The following ATRNL1 variants were observed in gnomAD, a reference collection of about 807,000 sequenced individuals.
ATRNL1 encodes the protein attractin like 1, also known as attractin-like protein 1.
ATRNL1 carries 95 observed loss-of-function variants against 182.7 expected under a neutral mutation model. The ratio of observed to expected loss-of-function variants is 0.52; its 90% CI spans 0.44 to 0.62. The LOEUF (loss-of-function observed/expected upper bound fraction) is 0.62, where lower values mean the gene tolerates loss of function less well. Among genes scored for constraint, ATRNL1 ranks in the 20% least tolerant of loss-of-function variants. The pLI is 0.00. For synonymous variants in ATRNL1, 576 were observed against 568.3 expected (o/e 1.01, Z -0.19); for missense variants, 1,471 against 1,679.5 (o/e 0.88, Z 2.17).
At chr10:115,799,349 T>A (rs1157435958) in intron 27 of ATRNL1, among the ~76,000 whole-genome samples, 1 of 152,216 alleles carries the variant, frequency 6.6e-6, no homozygotes, top group African/African-American at 2.4e-5. Context: ...AAGCAGCTTT[T>A]TCTCCTCTAC....
intron 25 of ATRNL1, among the ~76,000 whole-genome samples, chr10:115,528,272 G>A (rs1223041712): frequency 2.6e-5 from 4 of 151,652 alleles, no homozygotes; most frequent in African/African-American, 9.7e-5. Context: ...TCTTTGTTGT[G>A]GTATATTTGA....
intron 25 of ATRNL1, among the ~76,000 whole-genome samples, chr10:115,539,683 C>G (rs573392088): frequency 6.6e-6 from 1 of 152,164 alleles, no homozygotes; most frequent in Non-Finnish European, 1.5e-5. Flanking sequence ...TTCACTCACC[C>G]ATACCCCAGG....
At chr10:115,492,097 T>C (rs554636115) in intron 24 of ATRNL1, among the ~76,000 whole-genome samples, 13 of 152,252 alleles carry the variant, frequency 8.5e-5, no homozygotes, top group Middle Eastern at 6.8e-3. Flanking sequence ...CCCGGTGAGA[T>C]GAACGGTGTA....
At chr10:115,688,843 T>C in intron 26 of ATRNL1, among the ~76,000 whole-genome samples, 1 of 152,178 alleles carries the variant, frequency 6.6e-6, no homozygotes, top group African/African-American at 2.4e-5. Flanking sequence ...ATGATTGTGC[T>C]TTTGAGGGCT....
intron 9 of ATRNL1, among the ~76,000 whole-genome samples, chr10:115,230,915 G>GAGAGAGAGAA (rs1849915693): frequency 7.3e-6 from 1 of 137,542 alleles, no homozygotes; most frequent in Non-Finnish European, 1.6e-5. Context: ...GAGAGAGAGA[G>GAGAGAGAGAA]AGAGAGAAAG....
chr10:115,650,881 C>T (rs1469086409), intron 26 of ATRNL1, among the ~76,000 whole-genome samples: 1 of 152,070 alleles, frequency 6.6e-6, no homozygotes, highest in Non-Finnish European at 1.5e-5. Context: ...ATTATTCCCA[C>T]TTGAATAATC....
chr10:115,743,983 A>T (rs1948217677), intron 27 of ATRNL1, among the ~76,000 whole-genome samples: 1 of 103,454 alleles, frequency 9.7e-6, no homozygotes, highest in South Asian at 4.1e-4. Flanking sequence ...ATATAAATGA[A>T]TATGTATTCA....
chr10:115,906,825 T>A lies in ATRNL1; in HGVS notation c.4019-37833T>A, dbSNP rs575476103. Among the ~76,000 whole-genome samples, 271 of 151,634 alleles carry A rather than the reference T, an allele frequency of 1.8e-3. 2 individuals carry two copies. The highest frequency in any genetic ancestry group is 3.5e-3 in the East Asian group (18 of 5,152). On this transcript the variant is annotated intron_variant, in intron 28 of 28. Transcript: ENST00000355044. ...GTAAATTTTGAACAAATACTTTTTT[T>A]AAAAAAAAATCAGAAACCTATATAT...
At chr10:115,734,582 G>A (rs1486509988) in intron 27 of ATRNL1, among the ~76,000 whole-genome samples, 1 of 151,874 alleles carries the variant, frequency 6.6e-6, no homozygotes, top group Non-Finnish European at 1.5e-5. Flanking sequence ...TAGCTCATTC[G>A]ATATCTTTCT....
At chr10:115,351,292 A>G (rs1554941249) in intron 19 of ATRNL1, among the ~76,000 whole-genome samples, 2 of 152,138 alleles carry the variant, frequency 1.3e-5, no homozygotes, top group African/African-American at 4.8e-5. Flanking sequence ...GTCTAATAAA[A>G]GTGGTGAAAG....
intron 26 of ATRNL1, among the ~76,000 whole-genome samples, chr10:115,566,319 C>T (rs1310712427): frequency 6.6e-6 from 1 of 152,002 alleles, no homozygotes; most frequent in East Asian, 1.9e-4. Context: ...ACATGAAACA[C>T]GTATCTCCTG....
intron 27 of ATRNL1, among the ~76,000 whole-genome samples, chr10:115,767,879 C>T (rs1240515721): frequency 2.6e-5 from 4 of 152,056 alleles, no homozygotes; most frequent in Non-Finnish European, 5.9e-5. Flanking sequence ...AATATAATCC[C>T]AGGATCATGA....
At chr10:115,466,563 A>C (rs553884405) in intron 22 of ATRNL1, among the ~76,000 whole-genome samples, 49 of 151,304 alleles carry the variant, frequency 3.2e-4, no homozygotes, top group Non-Finnish European at 5.0e-4. Context: ...TCTGTACTCC[A>C]CTAATGAATG....
Position 115,847,976 on chromosome 10 carries a change from C to A in ATRNL1, c.4003C>A (p.Pro1335Thr), listed in dbSNP as rs782287060. ...CLPRGSSGAP[P>T]PGQSGLAIAS... ...ACCACGAGGATCATCAGGTGCCCCT[C>A]CCCCTGGGCAGTCAGGTATGATAAA... The change falls in exon 28 of 29, where the codon CCC becomes ACC. Residue 1335 changes from proline to threonine, a missense_variant. Around this residue, in one of 3 missense-constraint regions of ATRNL1, gnomAD observed 437 missense variants for 506.0 expected, o/e 0.86. Coordinates refer to ENST00000355044, the MANE Select transcript of ATRNL1 (RefSeq NM_207303.4). 5.6e-6 allele frequency: 9 copies of A among 1,600,924 alleles called. No homozygotes were observed. The highest frequency in any genetic ancestry group is 6.8e-6 in the Non-Finnish European group (8 of 1,168,626).
intron 28 of ATRNL1, among the ~76,000 whole-genome samples, chr10:115,925,362 A>AGCTAATTTTGACTAATACTAGAACAAAAC (rs1953195188): frequency 6.6e-6 from 1 of 152,154 alleles, no homozygotes; most frequent in Non-Finnish European, 1.5e-5. Flanking sequence ...TAGTGTGCAA[A>AGCTAATTTTGACTAATACTAGAACAAAAC]ATAACCAGAT....
chr10:115,705,867 G>A (rs1435622734), intron 26 of ATRNL1, among the ~76,000 whole-genome samples: 2 of 151,814 alleles, frequency 1.3e-5, no homozygotes, highest in African/African-American at 4.8e-5. Flanking sequence ...CTTTTTCTAG[G>A]CTTAAAAAAT....
chr10:115,419,976 C>T (rs1279790214), intron 20 of ATRNL1, among the ~76,000 whole-genome samples: 2 of 151,238 alleles, frequency 1.3e-5, no homozygotes, highest in Non-Finnish European at 2.9e-5. Flanking sequence ...ACAGTCTTCT[C>T]AACAGCACAT....
chr10:115,357,825 A>G (rs561625762), intron 19 of ATRNL1, among the ~76,000 whole-genome samples: 2 of 151,804 alleles, frequency 1.3e-5, no homozygotes, highest in South Asian at 4.1e-4. Flanking sequence ...AACATTTCCA[A>G]AGTCCCACTA....
intron 11 of ATRNL1, among the ~76,000 whole-genome samples, chr10:115,265,894 A>G (rs1485626957): frequency 2.6e-5 from 4 of 151,770 alleles, no homozygotes; most frequent in Non-Finnish European, 5.9e-5. Flanking sequence ...ACATTTGTAA[A>G]TCAGAATGAC....
Sources: gnomAD v4.1 joint callset for allele counts (sites outside exome capture counted in the v4.1 genomes callset) on GRCh38, gnomAD v4.1.1 for gene constraint, gnomAD v4.1.1 regional missense constraint, MANE v1.5 for transcripts, NCBI Gene and HGNC (gene_info 2026-07-23, HGNC 2026-07-21) for gene names.